Variants in SAMD4B observed in about 807,000 individuals in gnomAD.
SAMD4B encodes the protein protein Smaug homolog 2.
In SAMD4B, 5 loss-of-function variants were observed where a neutral mutation model predicts 74.5. That is an observed-to-expected ratio of 0.07 (90% CI 0.04 to 0.14). SAMD4B has a LOEUF of 0.14. SAMD4B is among the 10% of genes least tolerant of loss of function. The probability of loss-of-function intolerance (pLI) is 1.00; values close to 1 mark genes in which losing one functional copy is unlikely to be tolerated. For synonymous variants in SAMD4B, 373 were observed against 374.9 expected (o/e 1.00, Z 0.06); for missense variants, 608 against 921.8 (o/e 0.66, Z 4.41).
intron 12 of SAMD4B, among the ~76,000 whole-genome samples, chr19:39,382,825 TAC>T (rs1408208871): frequency 6.6e-6 from 1 of 152,136 alleles, no homozygotes; most frequent in Non-Finnish European, 1.5e-5. Flanking sequence ...TTGCACCAAG[TAC>T]AGAGCAGGTC....
chr19:39,380,806 G>C (rs1043519149), intron 11 of SAMD4B, 21 bp downstream of exon 11: 1 of 1,520,416 alleles, frequency 6.6e-7, no homozygotes. Flanking sequence ...TGGAAGCAGG[G>C]GCCTGGCCTC....
At chr19:39,343,579 T>G (rs1568339047) in intron 1 of SAMD4B, among the ~76,000 whole-genome samples, 1 of 141,472 alleles carries the variant, frequency 7.1e-6, no homozygotes, top group African/African-American at 2.7e-5. Context: ...TGTCTCCCCC[T>G]GGTCTCACCA....
rs1476636116 is a variant in SAMD4B, at chr19:39,369,551, A to T, written c.197-104A>T. On this transcript the variant is annotated intron_variant, in intron 3 of 13. Transcript: ENST00000610417. ...GAGTTATGAAAAGAAAATCGTTATG[A>T]AAAGAAGATTGGAGCTGAGGGAATA... 3 of 890,234 alleles carry T rather than the reference A, an allele frequency of 3.4e-6. No individual in the cohort carries two copies. The East Asian group carries it at 7.9e-5, about 24-fold the overall frequency. The allele number at this position is 890,234 out of a possible 1,614,324, so 55.1% of individuals were successfully genotyped here. A position where few individuals can be genotyped will look rare whatever the true frequency, so the allele number is the denominator to read the frequency against.
chr19:39,354,345 CTCTT>C (rs1357006844), intron 2 of SAMD4B, among the ~76,000 whole-genome samples: 2 of 152,204 alleles, frequency 1.3e-5, no homozygotes, highest in African/African-American at 4.8e-5. Context: ...CTTGAGTCTT[CTCTT>C]CCCCAGAGGA....
At chr19:39,377,065 T>A (rs1335032381) in intron 7 of SAMD4B, among the ~76,000 whole-genome samples, 1 of 152,238 alleles carries the variant, frequency 6.6e-6, no homozygotes, top group African/African-American at 2.4e-5. Flanking sequence ...TTTCCATTTC[T>A]TACTGGTCTT....
Position 39,385,602 on chromosome 19 carries a change from G to GT in SAMD4B, c.*2080dup, listed in dbSNP as rs1265597284. Reference sequence around the variant, plus strand: ...AGAATCAGCTTTGAGTAACTGTACAGTTTTTCTCGCTGTTGGAGAAGACTT... The same window carrying GT: ...AGAATCAGCTTTGAGTAACTGTACAGTTTTTTCTCGCTGTTGGAGAAGACTT... On this transcript the variant is annotated 3_prime_UTR_variant, in exon 14 of 14. Transcript: ENST00000610417. The GT allele has an allele frequency of 5.8e-6, 3 of 514,486 alleles. No individual in the cohort carries two copies. Among genetic ancestry groups the GT allele is most frequent in the Non-Finnish European group, 3.4e-6 (1 of 294,910 alleles). The allele number at this position is 514,486 out of a possible 1,614,324, so 31.9% of individuals were successfully genotyped here.
downstream of SAMD4B, chr19:39,387,055 A>C (rs953502890): frequency 2.5e-5 from 14 of 561,628 alleles, no homozygotes; most frequent in Admixed American, 1.5e-4. Flanking sequence ...ATTTACATAA[A>C]TACGGGCATG....
chr19:39,388,067 G>A (rs1225112540), downstream of SAMD4B, among the ~76,000 whole-genome samples: 2 of 152,202 alleles, frequency 1.3e-5, no homozygotes, highest in African/African-American at 4.8e-5. Flanking sequence ...CTTGAACCCA[G>A]GAAGCGGAGG....
chr19:39,374,137 G>A (rs901988203), intron 4 of SAMD4B, among the ~76,000 whole-genome samples: 1 of 152,102 alleles, frequency 6.6e-6, no homozygotes, highest in African/African-American at 2.4e-5. Context: ...TGGGCATGGT[G>A]TTGGCCACCC....
chr19:39,347,892 C>A (rs1192270478), intron 1 of SAMD4B, among the ~76,000 whole-genome samples: 1 of 152,092 alleles, frequency 6.6e-6, no homozygotes, highest in Non-Finnish European at 1.5e-5. Flanking sequence ...ATAAAACATT[C>A]AAGGTCCTGA....
rs765713650 is a variant in SAMD4B, at chr19:39,375,911, C to A, written c.907+22C>A. ...AAAGGTACATTGGGGACAGCAGCAC[C>A]AGGACCCTTTTCCAGGGGCTTCTGC... is the stretch of plus-strand genomic sequence containing the variant. On this transcript the variant is annotated intron_variant, in intron 5 of 13. Transcript: ENST00000610417. The surrounding 1 kb of genome is among the most constrained non-coding windows in gnomAD (Gnocchi z 4.1). 3.1e-6 allele frequency: 5 copies of A among 1,594,158 alleles called. No individual in the cohort carries two copies. Among genetic ancestry groups the A allele is most frequent in the Non-Finnish European group, 4.3e-6 (5 of 1,173,106 alleles).
At chr19:39,382,176 T>G (rs1294139172) in intron 12 of SAMD4B, among the ~76,000 whole-genome samples, 1 of 152,210 alleles carries the variant, frequency 6.6e-6, no homozygotes, top group Non-Finnish European at 1.5e-5. Flanking sequence ...AGCCATCTGT[T>G]GAGGCCGTGG....
rs146050396 is a variant in SAMD4B, at chr19:39,369,734, A to G, written c.276A>G (p.Pro92=). 211 of 1,614,198 alleles carry G rather than the reference A, an allele frequency of 1.3e-4. No homozygotes were observed. Among genetic ancestry groups the G allele is most frequent in the Middle Eastern group, 8.2e-4 (5 of 6,062 alleles). The part of the protein sequence containing the change: ...LLLSHLPLLQ[P]GNTEAKSEYM... Reference sequence around the variant, plus strand: ...TGTCCCACCTTCCCCTGCTTCAGCCAGGCAACACAGAGGCCAAGTCGGAGT... The same window carrying G: ...TGTCCCACCTTCCCCTGCTTCAGCCGGGCAACACAGAGGCCAAGTCGGAGT... Residue 92 remains proline, a synonymous_variant, in exon 4 of 14, where the codon CCA becomes CCG. Transcript: ENST00000610417.
chr19:39,380,724 T>C lies in SAMD4B; in HGVS notation c.1787T>C (p.Ile596Thr). The change falls in exon 11 of 14, where the codon ATT (isoleucine) becomes ACT (threonine). Residue 596 changes from isoleucine to threonine, a missense_variant. Ile to Thr is a moderately conservative substitution (Grantham distance 89, BLOSUM62 -1). Transcript: ENST00000610417. ...GRMGLLSPSG[I>T]GGVSPRHALT... ...ATGGGCCTCCTGAGCCCCTCGGGCA[T>C]TGGGGGTGTCTCCCCTCGACATGCC... 4 of 1,608,794 alleles carry C rather than the reference T, an allele frequency of 2.5e-6. No homozygotes were observed. Among genetic ancestry groups the C allele is most frequent in the South Asian group, 2.2e-5 (2 of 90,600 alleles).
chr19:39,367,501 C>CT (rs2077027876), intron 3 of SAMD4B, among the ~76,000 whole-genome samples: 3 of 137,584 alleles, frequency 2.2e-5, no homozygotes, highest in African/African-American at 2.8e-5. Flanking sequence ...TTTTTTTTTT[C>CT]TTTTTCTTTT....
At chr19:39,349,021 G>C (rs931489575) in intron 1 of SAMD4B, among the ~76,000 whole-genome samples, 5 of 152,176 alleles carry the variant, frequency 3.3e-5, no homozygotes, top group African/African-American at 1.2e-4. Flanking sequence ...TGACAAAACA[G>C]GCATGGCAAG....
rs1465720774 is a variant in SAMD4B, at chr19:39,380,795, C to A, written c.1848+10C>A. On this transcript the variant is annotated intron_variant, in intron 11 of 13. Coordinates refer to ENST00000610417, the MANE Select transcript of SAMD4B (RefSeq NM_001384574.2). ...AGGCCAGGGCCGACAGGTAAGCTGGCTGGAAGCAGGGGCCTGGCCTCCTGG... is the reference window on the plus strand; with the variant it reads ...AGGCCAGGGCCGACAGGTAAGCTGGATGGAAGCAGGGGCCTGGCCTCCTGG... 1 of 1,529,020 alleles carries A rather than the reference C, an allele frequency of 6.5e-7. No individual in the cohort carries two copies. The highest frequency in any genetic ancestry group is 8.8e-7 in the Non-Finnish European group (1 of 1,140,434). 94.7% of individuals were successfully genotyped at this position (1,529,020 alleles called of 1,614,324 possible).
chr19:39,388,355 T>C, downstream of SAMD4B: 5 of 1,614,068 alleles, frequency 3.1e-6, no homozygotes, highest in East Asian at 2.2e-5. Flanking sequence ...TCCAACTCAT[T>C]GTAGTAAACC....
chr19:39,348,839 T>C (rs1426756609), intron 1 of SAMD4B, among the ~76,000 whole-genome samples: 1 of 152,148 alleles, frequency 6.6e-6, no homozygotes, highest in Non-Finnish European at 1.5e-5. Flanking sequence ...GAAGCAGATA[T>C]ATTTTGGGTG....
Sources: gnomAD v4.1 joint callset for allele counts (sites outside exome capture counted in the v4.1 genomes callset) on GRCh38, gnomAD v4.1.1 for gene constraint, Gnocchi (gnomAD v3.1) non-coding constraint, MANE v1.5 for transcripts, NCBI Gene and HGNC (gene_info 2026-07-23, HGNC 2026-07-21) for gene names.